Variants in BATF observed in about 807,000 individuals in gnomAD.
The protein encoded by BATF is basic leucine zipper ATF-like transcription factor.
BATF carries 5 observed loss-of-function variants against 13.7 expected under a neutral mutation model. The observed-to-expected ratio is 0.36, with a 90% CI of 0.19 to 0.77. The LOEUF is 0.77. Among genes scored for constraint, BATF ranks in the 30% least tolerant of loss-of-function variants. The pLI is 0.51. For missense variants in BATF, 124 were observed against 163.0 expected (o/e 0.76, Z 1.30); for synonymous variants, 72 against 67.5 (o/e 1.07, Z -0.33).
chr14:75,524,074 T>C (rs1209469514), intron 1 of BATF, among the ~76,000 whole-genome samples: 1 of 152,178 alleles, frequency 6.6e-6, no homozygotes, highest in African/African-American at 2.4e-5. Flanking sequence ...TCCCAGAGCT[T>C]TGCCCTTGGA....
At chr14:75,522,866 C>A (rs1476987725) in intron 1 of BATF, 121 bp downstream of exon 1, 3 of 1,155,132 alleles carry the variant, frequency 2.6e-6, no homozygotes, top group Non-Finnish European at 3.8e-6. Flanking sequence ...TGCACGGGCA[C>A]TCTGTTAGAC....
At position 75,528,398 on chromosome 14, in the gene BATF, G is replaced by A. The variant is rs151242264; in HGVS notation, c.168+3210G>A. On this transcript the variant is annotated intron_variant, in intron 2 of 2. Transcript: ENST00000286639. ...GGATGCTTACTATTCGACATTTTCA[G>A]CATCTATCCTATAAATGGCTGGCAC... 4.6e-5 allele frequency among the ~76,000 whole-genome samples: 7 copies of A among 152,278 alleles called. No homozygotes were observed. The East Asian group carries it at 1.3e-3, about 29-fold the overall frequency.
chr14:75,540,371 A>G (rs760508420), intron 2 of BATF, among the ~76,000 whole-genome samples: 2 of 152,126 alleles, frequency 1.3e-5, no homozygotes, highest in Non-Finnish European at 2.9e-5. Flanking sequence ...CCTCTTCCTT[A>G]GCCACCCCCA....
chr14:75,528,188 C>T (rs1395947954), intron 2 of BATF, among the ~76,000 whole-genome samples: 2 of 152,150 alleles, frequency 1.3e-5, no homozygotes, highest in South Asian at 2.1e-4. Context: ...CCATAGGCCT[C>T]GCCTACCAGT....
At chr14:75,528,791 G>A (rs1887689513) in intron 2 of BATF, among the ~76,000 whole-genome samples, 1 of 152,160 alleles carries the variant, frequency 6.6e-6, no homozygotes, top group Non-Finnish European at 1.5e-5. Context: ...GAAATAATAA[G>A]AGAATGCAGT....
intron 2 of BATF, among the ~76,000 whole-genome samples, chr14:75,536,722 T>TTAAAA (rs56280822): frequency 0.024 from 3,005 of 125,800 alleles, 75 homozygotes; most frequent in African/African-American, 0.058. Context: ...GATCCTGTCT[T>TTAAAA]TAAAATAAAA....
intron 2 of BATF, among the ~76,000 whole-genome samples, chr14:75,528,750 G>C (rs1030719056): frequency 6.6e-6 from 1 of 150,604 alleles, no homozygotes; most frequent in African/African-American, 2.5e-5. Context: ...GCTAATAAGT[G>C]GACCTAAGAT....
chr14:75,542,207 A>G (rs558594547), intron 2 of BATF, among the ~76,000 whole-genome samples: 4 of 152,328 alleles, frequency 2.6e-5, no homozygotes, highest in African/African-American at 7.2e-5. Context: ...GGTATGTGGC[A>G]TAGGTTTGTC....
In BATF at chr14:75,522,628, C is replaced by T. The variant is rs373548186; in HGVS notation, c.-55C>T. 1.1e-5 allele frequency: 18 copies of T among 1,607,492 alleles called. No individual in the cohort carries two copies. Among genetic ancestry groups the T allele is most frequent in the Non-Finnish European group, 1.4e-5 (17 of 1,174,288 alleles). On this transcript the variant is annotated 5_prime_UTR_variant, in exon 1 of 3. Transcript: ENST00000286639. ...GTCAGGAAGGGAGCCCAGCTGGTGA[C>T]AAGAGAGCCCAGAGGTGCCTGGGGC...
rs996097256 is a variant in BATF at position 75,525,387 on chromosome 14, G to A, written c.168+199G>A. Among the ~76,000 whole-genome samples the A allele has an allele frequency of 2.0e-5, 3 of 152,148 alleles. No individual in the cohort carries two copies. In the South Asian group the frequency reaches 6.2e-4, roughly 32 times the overall value. On this transcript the variant is annotated intron_variant, in intron 2 of 2. Transcript: ENST00000286639. ...GCTTTAAGAAGGCTCTGTAGTCCGG[G>A]CGTGGTGGCTCACACCTGTAATCCC...
At chr14:75,542,348 T>C (rs532565743) in intron 2 of BATF, among the ~76,000 whole-genome samples, 1 of 152,338 alleles carries the variant, frequency 6.6e-6, no homozygotes, top group African/African-American at 2.4e-5. Flanking sequence ...GATGGGTACA[T>C]GGATGCCCAA....
At chr14:75,533,547 A>G (rs184757220) in intron 2 of BATF, among the ~76,000 whole-genome samples, 7 of 152,194 alleles carry the variant, frequency 4.6e-5, no homozygotes, top group Admixed American at 4.6e-4. Flanking sequence ...CAGCACCCAG[A>G]CTTCCTTCTC....
At chr14:75,540,259 A>T (rs1005673893) in intron 2 of BATF, among the ~76,000 whole-genome samples, 2 of 151,964 alleles carry the variant, frequency 1.3e-5, no homozygotes, top group Non-Finnish European at 2.9e-5. Flanking sequence ...CGGGTGAGGG[A>T]ACTGCCTGGG....
chr14:75,530,080 G>T (rs372217650), intron 2 of BATF, among the ~76,000 whole-genome samples: 11 of 118,398 alleles, frequency 9.3e-5, no homozygotes, highest in African/African-American at 2.8e-4. Flanking sequence ...AAAAAAAAAA[G>T]TAAAGAAAAA....
At chr14:75,525,675 A>T (rs921137729) in intron 2 of BATF, among the ~76,000 whole-genome samples, 17 of 151,870 alleles carry the variant, frequency 1.1e-4, no homozygotes, top group African/African-American at 2.4e-4. Context: ...AAAAAAAAAA[A>T]AAATAGAAGG....
chr14:75,540,918 T>G (rs893393467), intron 2 of BATF, among the ~76,000 whole-genome samples: 3 of 152,074 alleles, frequency 2.0e-5, no homozygotes, highest in African/African-American at 7.2e-5. Flanking sequence ...AAACCCCGTC[T>G]CTACTAGAAA....
intron 2 of BATF, among the ~76,000 whole-genome samples, chr14:75,525,659 CA>C (rs35718974): frequency 0.63 from 66,886 of 105,476 alleles, 20,187 homozygotes; most frequent in East Asian, 0.82. Context: ...AACTTCATCT[CA>C]AAAAAAAAAA....
At chr14:75,546,108 C>T (rs1887981630) in intron 2 of BATF, among the ~76,000 whole-genome samples, 1 of 152,058 alleles carries the variant, frequency 6.6e-6, no homozygotes, top group South Asian at 2.1e-4. Flanking sequence ...GCAATCCGCC[C>T]GCCTCGGCCT....
At chr14:75,524,733 T>C (rs1290829001) in intron 1 of BATF, among the ~76,000 whole-genome samples, 1 of 149,784 alleles carries the variant, frequency 6.7e-6, no homozygotes, top group Non-Finnish European at 1.5e-5. Context: ...GGCCAAAAAG[T>C]GAGAGGGCGA....
Sources: gnomAD v4.1 joint callset for allele counts (sites outside exome capture counted in the v4.1 genomes callset) on GRCh38, gnomAD v4.1.1 for gene constraint, MANE v1.5 for transcripts, NCBI Gene and HGNC (gene_info 2026-07-23, HGNC 2026-07-21) for gene names.